The following SHANK2 variants were observed in gnomAD, a reference collection of about 807,000 sequenced individuals.
SHANK2 encodes SH3 and multiple ankyrin repeat domains 2.
SHANK2 carries 43 observed loss-of-function variants against 133.7 expected under a neutral mutation model. The ratio of observed to expected loss-of-function variants is 0.32; its 90% CI spans 0.25 to 0.41. The LOEUF (loss-of-function observed/expected upper bound fraction) is 0.41, where lower values mean the gene tolerates loss of function less well. Ranked by LOEUF, SHANK2 falls within the 10% of genes least tolerant of loss-of-function variation. The pLI is 1.00. For missense variants in SHANK2, 1,994 were observed against 2,235.8 expected, an observed-to-expected ratio of 0.89 and a Z score of 2.18; for synonymous variants, 1,017 against 952.8, an observed-to-expected ratio of 1.07 and a Z score of -1.24.
At chr11:70,871,368 G>C (rs979460023) in intron 11 of SHANK2, among the ~76,000 whole-genome samples, 1 of 152,202 alleles carries the variant, frequency 6.6e-6, no homozygotes, top group Admixed American at 6.5e-5. Flanking sequence ...GGCACCATAG[G>C]AGCAGGGCAG....
chr11:70,582,351 A>G (rs556960153), intron 17 of SHANK2, among the ~76,000 whole-genome samples: 20 of 152,288 alleles, frequency 1.3e-4, no homozygotes, highest in Non-Finnish European at 2.4e-4. Flanking sequence ...CCCCGGCCGG[A>G]TCCAATTAGC....
At chr11:70,846,907 T>C (rs1555063607) in intron 11 of SHANK2, among the ~76,000 whole-genome samples, 1 of 152,172 alleles carries the variant, frequency 6.6e-6, no homozygotes, top group African/African-American at 2.4e-5. Flanking sequence ...AGAGCATGGT[T>C]CAAGGCCCGT....
intron 25 of SHANK2, chr11:70,474,672 G>A (rs782003086): frequency 6.6e-6 from 1 of 152,370 alleles, no homozygotes; most frequent in Admixed American, 6.5e-5. Context: ...CAGCCACTGG[G>A]GAGGGGAGGA....
intron 15 of SHANK2, among the ~76,000 whole-genome samples, chr11:70,674,466 A>G (rs1944871795): frequency 6.6e-6 from 1 of 151,986 alleles, no homozygotes; most frequent in Non-Finnish European, 1.5e-5. Context: ...CTCTGACCTC[A>G]GCCTCCCAAG....
In SHANK2 at chr11:70,788,789, CA is replaced by C. The variant is rs547060217; in HGVS notation, c.1777+9653del. Among the ~76,000 whole-genome samples the C allele has an allele frequency of 3.1e-4, 47 of 152,306 alleles. No homozygotes were observed. In the South Asian group the frequency reaches 9.3e-3, roughly 30 times the overall value. On this transcript the variant is annotated intron_variant, in intron 14 of 25. Transcript: ENST00000601538. The stretch of plus-strand genomic sequence containing the variant: ...GTCCTGAAACCCCGACGAGGCCACA[CA>C]GGGTGTCCTATAGGAGACAGGAGGT...
chr11:71,169,911 C>A (rs1003800582), intron 2 of SHANK2, among the ~76,000 whole-genome samples: 3 of 152,014 alleles, frequency 2.0e-5, no homozygotes, highest in South Asian at 2.1e-4. Context: ...TTATAGAAAT[C>A]ATTTAGATTA....
At chr11:71,249,451 G>A (rs529164137) in intron 1 of SHANK2, among the ~76,000 whole-genome samples, 2 of 152,286 alleles carry the variant, frequency 1.3e-5, no homozygotes, top group East Asian at 3.9e-4. Flanking sequence ...CATTTCCACT[G>A]GTTTTTCTCA....
intron 2 of SHANK2, among the ~76,000 whole-genome samples, chr11:71,218,803 G>A (rs1954473145): frequency 6.6e-6 from 1 of 152,200 alleles, no homozygotes; most frequent in African/African-American, 2.4e-5. Context: ...GTAACTAACT[G>A]GGAAGGAAGC....
chr11:70,702,905 C>T (rs1361979448), intron 14 of SHANK2, among the ~76,000 whole-genome samples: 2 of 152,228 alleles, frequency 1.3e-5, no homozygotes, highest in African/African-American at 4.8e-5. Flanking sequence ...ATGATAGTAA[C>T]AGTCCCTCCT....
chr11:70,680,241 G>A (rs957227442), intron 15 of SHANK2, among the ~76,000 whole-genome samples: 1 of 152,172 alleles, frequency 6.6e-6, no homozygotes, highest in Admixed American at 6.5e-5. Flanking sequence ...TGCATTGAAT[G>A]CTTGCAAGCA....
chr11:70,619,328 GA>G (rs1554996965), intron 17 of SHANK2, among the ~76,000 whole-genome samples: 2 of 152,192 alleles, frequency 1.3e-5, no homozygotes, highest in Non-Finnish European at 2.9e-5. Context: ...AGCTCTCAGC[GA>G]GGGTCCTTTC....
chr11:70,609,894 C>A (rs533215769), intron 17 of SHANK2, among the ~76,000 whole-genome samples: 2 of 26,642 alleles, frequency 7.5e-5, no homozygotes, highest in South Asian at 2.5e-3. Flanking sequence ...AGACACAGAT[C>A]CACACTACAA....
At chr11:70,728,990 A>G (rs1390262788) in intron 14 of SHANK2, among the ~76,000 whole-genome samples, 1 of 151,988 alleles carries the variant, frequency 6.6e-6, no homozygotes, top group African/African-American at 2.4e-5. Context: ...GGATCACCTG[A>G]GCTCAGGAGT....
intron 17 of SHANK2, among the ~76,000 whole-genome samples, chr11:70,512,973 GACTA>G (rs57910351): frequency 0.094 from 14,338 of 152,056 alleles, 936 homozygotes; most frequent in East Asian, 0.32. Flanking sequence ...AAATTCCTAA[GACTA>G]ACTAACTCTT....
At chr11:70,803,346 CCATT>C (rs1948092972) in intron 13 of SHANK2, among the ~76,000 whole-genome samples, 1 of 151,478 alleles carries the variant, frequency 6.6e-6, no homozygotes, top group Admixed American at 6.6e-5. Flanking sequence ...ACCCATCCAT[CCATT>C]TACCTATCCA....
intron 11 of SHANK2, among the ~76,000 whole-genome samples, chr11:70,836,200 G>A (rs782082141): frequency 6.6e-6 from 1 of 152,234 alleles, no homozygotes; most frequent in Non-Finnish European, 1.5e-5. Flanking sequence ...CTCTTTCTGA[G>A]CGGCTGCACA....
intron 14 of SHANK2, among the ~76,000 whole-genome samples, chr11:70,759,850 C>A (rs1012258206): frequency 1.3e-5 from 2 of 152,212 alleles, no homozygotes; most frequent in South Asian, 4.1e-4. Context: ...GCAGCCATAA[C>A]TATAACTGTG....
chr11:70,551,492 G>A (rs1037818147), intron 17 of SHANK2, among the ~76,000 whole-genome samples: 13 of 152,268 alleles, frequency 8.5e-5, no homozygotes, highest in East Asian at 3.9e-4. Flanking sequence ...GATGGCGACC[G>A]CATGCCTGTT....
chr11:70,468,279 C>T lies in SHANK2; in HGVS notation c.*4590G>A, dbSNP rs889686015. The stretch of plus-strand genomic sequence containing the variant: ...GATTGTTGTAATTTTGAACATAAAA[C>T]GGTAAAGACTGTGGAATGTAGAACA... On this transcript the variant is annotated 3_prime_UTR_variant, in exon 26 of 26. Coordinates refer to ENST00000601538, the MANE Select transcript of SHANK2 (RefSeq NM_012309.5). 4.0e-5 allele frequency: 6 copies of T among 151,462 alleles called. No homozygotes were observed. The highest frequency in any genetic ancestry group is 5.9e-5 in the Non-Finnish European group (4 of 67,948). 9.4% of individuals were successfully genotyped at this position (151,462 alleles called of 1,614,324 possible). A position where few individuals can be genotyped will look rare whatever the true frequency, so the allele number is the denominator to read the frequency against.
Sources: gnomAD v4.1 joint callset for allele counts (sites outside exome capture counted in the v4.1 genomes callset) on GRCh38, gnomAD v4.1.1 for gene constraint, MANE v1.5 for transcripts, NCBI Gene and HGNC (gene_info 2026-07-23, HGNC 2026-07-21) for gene names.